NFASC: variants seen among roughly 807,000 people sequenced by gnomAD.
NFASC encodes neurofascin homolog.
NFASC carries 43 observed loss-of-function variants against 147.5 expected under a neutral mutation model. The ratio of observed to expected loss-of-function variants is 0.29; its 90% CI spans 0.23 to 0.38. The LOEUF is 0.38. NFASC is among the 10% of genes least tolerant of loss of function. The pLI is 1.00. For synonymous variants in NFASC, 622 were observed against 665.5 expected, an observed-to-expected ratio of 0.93 and a Z score of 1.01; for missense variants, 1,320 against 1,689.0, an observed-to-expected ratio of 0.78 and a Z score of 3.83.
chr1:204,878,338 C>T (rs1364777156), intron 1 of NFASC, among the ~76,000 whole-genome samples: 2 of 152,160 alleles, frequency 1.3e-5, no homozygotes, highest in Admixed American at 1.3e-4. Flanking sequence ...TCTACACCAA[C>T]TAAATATTAG....
chr1:204,993,721 A>C, intron 24 of NFASC: 1 of 512,910 alleles, frequency 1.9e-6, no homozygotes, highest in Non-Finnish European at 3.9e-6. Context: ...GATTGCTTCC[A>C]AACCTGTAGC....
At chr1:204,980,652 A>G (rs1047919764) in intron 20 of NFASC, among the ~76,000 whole-genome samples, 11 of 152,266 alleles carry the variant, frequency 7.2e-5, no homozygotes, top group African/African-American at 2.6e-4. Flanking sequence ...AAGATTTCAG[A>G]GAGGAGACAG....
At chr1:204,833,376 G>A (rs999237417) in intron 1 of NFASC, among the ~76,000 whole-genome samples, 1 of 152,190 alleles carries the variant, frequency 6.6e-6, no homozygotes, top group Non-Finnish European at 1.5e-5. Flanking sequence ...GAGTTGCAGA[G>A]CTAGAATCTA....
intron 1 of NFASC, among the ~76,000 whole-genome samples, chr1:204,877,856 C>T (rs555990323): frequency 4.6e-5 from 7 of 152,272 alleles, no homozygotes; most frequent in Middle Eastern, 3.4e-3. Flanking sequence ...AACCTGCCCT[C>T]GCACCAGGAC....
intron 1 of NFASC, among the ~76,000 whole-genome samples, chr1:204,843,002 G>A (rs533899128): frequency 5.1e-4 from 77 of 152,352 alleles, no homozygotes; most frequent in African/African-American, 1.7e-3. Context: ...GCTGGGTCAG[G>A]TGCTGGCTCC....
intron 2 of NFASC, among the ~76,000 whole-genome samples, chr1:204,924,841 G>T (rs2091196339): frequency 6.6e-6 from 1 of 152,194 alleles, no homozygotes; most frequent in Non-Finnish European, 1.5e-5. Flanking sequence ...TAACTTGGGG[G>T]AGAGGAGAAA....
At position 204,968,726 on chromosome 1, in the gene NFASC, TC is replaced by T; in HGVS notation, c.819-68del. 7.1e-7 allele frequency: 1 copy of T among 1,405,712 alleles called. No individual in the cohort carries two copies. Among genetic ancestry groups the T allele is most frequent in the South Asian group, 1.4e-5 (1 of 73,312 alleles). 87.1% of individuals were successfully genotyped at this position (1,405,712 alleles called of 1,614,324 possible). ...AGTATACTTTTAGGCCACCTGGGTG[TC>T]CCCAGCTGTATAGAAGAGGAGAAAG... On this transcript the variant is annotated intron_variant, in intron 9 of 29. Coordinates refer to ENST00000339876, the MANE Select transcript of NFASC (RefSeq NM_001005388.3). The surrounding 1 kb of genome is among the most constrained non-coding windows in gnomAD (Gnocchi z 5.4).
intron 1 of NFASC, among the ~76,000 whole-genome samples, chr1:204,914,471 T>C (rs2088633718): frequency 6.6e-6 from 1 of 152,236 alleles, no homozygotes; most frequent in Admixed American, 6.5e-5. Context: ...TCCACCATGA[T>C]TGTAAGTTTT....
At position 204,925,802 on chromosome 1, in the gene NFASC, C is replaced by T. The variant is rs141667134; in HGVS notation, c.-91+5062C>T. On this transcript the variant is annotated intron_variant, in intron 2 of 29. Coordinates refer to ENST00000339876, the MANE Select transcript of NFASC (RefSeq NM_001005388.3). ...ATAAGCAGCTTGATTTGAGTGATGT[C>T]ATGAGCAGATGTGTCCAGATGGTGG... is the stretch of plus-strand genomic sequence containing the variant. Among the ~76,000 whole-genome samples the T allele has an allele frequency of 3.6e-3, 548 of 152,322 alleles. 5 individuals are homozygous for T. Among genetic ancestry groups the T allele is most frequent in the African/African-American group, 0.012 (513 of 41,568 alleles).
intron 27 of NFASC, among the ~76,000 whole-genome samples, chr1:205,004,443 C>G (rs2096064474): frequency 1.3e-5 from 2 of 152,238 alleles, no homozygotes; most frequent in African/African-American, 2.4e-5. Context: ...AGTGATGAAG[C>G]ACTCAGCCCT....
chr1:204,928,918 A>G (rs943589696), intron 2 of NFASC, among the ~76,000 whole-genome samples: 2 of 152,072 alleles, frequency 1.3e-5, no homozygotes, highest in African/African-American at 4.8e-5. Context: ...TGTGAATACG[A>G]GGTATTCATT....
At chr1:204,918,187 A>G (rs2089699751) in intron 1 of NFASC, among the ~76,000 whole-genome samples, 2 of 152,368 alleles carry the variant, frequency 1.3e-5, no homozygotes, top group South Asian at 2.1e-4. Context: ...CATCAATAAT[A>G]TGGTTATTGA....
chr1:204,876,443 A>G (rs897425302), intron 1 of NFASC, among the ~76,000 whole-genome samples: 14 of 152,194 alleles, frequency 9.2e-5, no homozygotes, highest in African/African-American at 3.1e-4. Context: ...TCATCATGGT[A>G]AAATATGTAC....
chr1:204,940,514 G>A (rs2093289619), intron 2 of NFASC, among the ~76,000 whole-genome samples: 1 of 152,220 alleles, frequency 6.6e-6, no homozygotes, highest in African/African-American at 2.4e-5. Flanking sequence ...CACAATGTGT[G>A]CACCCACAAC....
chr1:204,904,948 C>A (rs1453984263), intron 1 of NFASC, among the ~76,000 whole-genome samples: 2 of 152,076 alleles, frequency 1.3e-5, no homozygotes, highest in Non-Finnish European at 2.9e-5. Flanking sequence ...AACCTACCAC[C>A]CCCAACAAAA....
chr1:205,002,340 G>A (rs2096006285), intron 26 of NFASC, among the ~76,000 whole-genome samples: 1 of 152,226 alleles, frequency 6.6e-6, no homozygotes. Flanking sequence ...CTAGTGTGAA[G>A]ACTGTGGTGA....
At chr1:204,950,478 T>G in intron 3 of NFASC, 79 bp from the exon 4 acceptor site, 49 of 1,340,188 alleles carry the variant, frequency 3.7e-5, no homozygotes, top group Non-Finnish European at 4.8e-5. Context: ...TGCTGGGGCG[T>G]GAGGATGCCT....
intron 1 of NFASC, among the ~76,000 whole-genome samples, chr1:204,882,409 C>T (rs1044611500): frequency 6.6e-6 from 1 of 151,998 alleles, no homozygotes; most frequent in African/African-American, 2.4e-5. Flanking sequence ...CCTTTTTCTT[C>T]CCTCTGCCTT....
chr1:204,962,071 G>A (rs779503082), intron 8 of NFASC: 29 of 1,560,164 alleles, frequency 1.9e-5, no homozygotes, highest in Non-Finnish European at 2.4e-5. Flanking sequence ...ACTTCTCCGT[G>A]GCCTCCTGTT....
Sources: gnomAD v4.1 joint callset for allele counts (sites outside exome capture counted in the v4.1 genomes callset) on GRCh38, gnomAD v4.1.1 for gene constraint, Gnocchi (gnomAD v3.1) non-coding constraint, MANE v1.5 for transcripts, NCBI Gene and HGNC (gene_info 2026-07-23, HGNC 2026-07-21) for gene names.